Variants in ZFHX3 observed in about 807,000 individuals in gnomAD.
The protein encoded by ZFHX3 is zinc finger homeobox protein 3.
In ZFHX3, 42 loss-of-function variants were observed where a neutral mutation model predicts 279.1. That is an observed-to-expected ratio of 0.15 (90% CI 0.12 to 0.19). The LOEUF is 0.19. Among genes scored for constraint, ZFHX3 ranks in the 10% least tolerant of loss-of-function variants. The pLI, the probability that ZFHX3 is intolerant of heterozygous loss-of-function variation, is 1.00. For synonymous variants in ZFHX3, 2,293 were observed against 1,957.8 expected (o/e 1.17, Z -4.52); for missense variants, 4,981 against 4,754.0 (o/e 1.05, Z -1.40).
chr16:73,749,589 CA>C (rs1185794147), intron 1 of ZFHX3, among the ~76,000 whole-genome samples: 1 of 152,106 alleles, frequency 6.6e-6, no homozygotes, highest in Non-Finnish European at 1.5e-5. Flanking sequence ...AATAACACAA[CA>C]AAGACCAACC....
intron 1 of ZFHX3, among the ~76,000 whole-genome samples, chr16:73,000,094 A>G (rs1021055038): frequency 4.6e-5 from 7 of 152,330 alleles, no homozygotes; most frequent in Admixed American, 2.0e-4. Flanking sequence ...CTAGAAATGC[A>G]GAGAGCTGCT....
intron 2 of ZFHX3, among the ~76,000 whole-genome samples, chr16:73,594,357 A>G (rs575376685): frequency 6.6e-6 from 1 of 152,350 alleles, no homozygotes; most frequent in Non-Finnish European, 1.5e-5. Context: ...GGGAAGGCTC[A>G]ATAGATAAAA....
At chr16:73,668,727 AC>A (rs1191046745) in intron 2 of ZFHX3, among the ~76,000 whole-genome samples, 15 of 152,150 alleles carry the variant, frequency 9.9e-5, no homozygotes, top group South Asian at 4.1e-4. Flanking sequence ...CAAGAAAAAA[AC>A]AACCCCATCA....
chr16:73,076,975 A>G (rs1450064097), intron 8 of ZFHX3, among the ~76,000 whole-genome samples: 1 of 152,202 alleles, frequency 6.6e-6, no homozygotes, highest in Non-Finnish European at 1.5e-5. Flanking sequence ...AGATACATTC[A>G]TCAGAACTCA....
In ZFHX3 at chr16:73,073,295, G is replaced by C. The variant is rs118124283; in HGVS notation, c.-532-14283C>G. On this transcript the variant is annotated intron_variant, in intron 8 of 17. Coordinates refer to the ZFHX3 transcript ENST00000641206. The stretch of plus-strand genomic sequence containing the variant: ...AGTTATTATGAGGCTACCTTCTAGA[G>C]ACCTGTTCCTTCAGCAAAGTATAAA... Among the ~76,000 whole-genome samples the C allele has an allele frequency of 3.3e-3, 499 of 152,302 alleles. 2 individuals are homozygous for C. Among genetic ancestry groups the C allele is most frequent in the Non-Finnish European group, 5.6e-3 (379 of 68,024 alleles).
chr16:72,825,232 G>A (rs566976972), intron 5 of ZFHX3, among the ~76,000 whole-genome samples: 14 of 152,220 alleles, frequency 9.2e-5, no homozygotes, highest in Admixed American at 6.5e-4. Flanking sequence ...TGAGCACAAC[G>A]CCAGCTCCTT....
chr16:73,245,110 T>C (rs2013239754), intron 5 of ZFHX3, among the ~76,000 whole-genome samples: 1 of 152,200 alleles, frequency 6.6e-6, no homozygotes, highest in Non-Finnish European at 1.5e-5. Flanking sequence ...CAATGATAAC[T>C]AATTTAGAAC....
chr16:73,046,043 T>G (rs190760239), intron 1 of ZFHX3, among the ~76,000 whole-genome samples: 2 of 152,162 alleles, frequency 1.3e-5, no homozygotes, highest in Non-Finnish European at 2.9e-5. Context: ...GGAAACACCA[T>G]GAGGAGAACT....
chr16:73,856,363 C>T (rs376995816), intron 1 of ZFHX3, among the ~76,000 whole-genome samples: 32 of 152,226 alleles, frequency 2.1e-4, no homozygotes, highest in South Asian at 6.2e-4. Flanking sequence ...CAAGGTTGGA[C>T]GCAGTAACAG....
At chr16:73,605,592 C>G (rs1281539042) in intron 2 of ZFHX3, among the ~76,000 whole-genome samples, 3 of 150,482 alleles carry the variant, frequency 2.0e-5, no homozygotes, top group Non-Finnish European at 4.4e-5. Flanking sequence ...ATGCCAAACA[C>G]TAAGGAAAAA....
At chr16:73,003,112 A>G (rs1027996995) in intron 1 of ZFHX3, among the ~76,000 whole-genome samples, 1 of 152,162 alleles carries the variant, frequency 6.6e-6, no homozygotes, top group Non-Finnish European at 1.5e-5. Flanking sequence ...AGCATCTACC[A>G]TATGGCTGCA....
At chr16:73,365,301 A>C (rs925478189) in intron 3 of ZFHX3, among the ~76,000 whole-genome samples, 1 of 152,168 alleles carries the variant, frequency 6.6e-6, no homozygotes, top group African/African-American at 2.4e-5. Context: ...ACAGGAGGGG[A>C]TGCAGACGAG....
upstream of ZFHX3, among the ~76,000 whole-genome samples, chr16:73,050,060 A>G (rs1965421631): frequency 1.3e-5 from 2 of 152,200 alleles, no homozygotes; most frequent in South Asian, 4.1e-4. Flanking sequence ...AATTAAAGAC[A>G]ACAAGAAAAT....
At chr16:73,634,433 A>ATTATATATATATATATATAT (rs1197229737) in intron 2 of ZFHX3, among the ~76,000 whole-genome samples, 6 of 59,882 alleles carry the variant, frequency 1.0e-4, no homozygotes, top group African/African-American at 2.6e-4. Context: ...TATTATGTAT[A>ATTATATATATATATATATAT]ATATATATAT....
At chr16:73,754,058 T>C (rs1008606588) in intron 1 of ZFHX3, among the ~76,000 whole-genome samples, 9 of 151,666 alleles carry the variant, frequency 5.9e-5, no homozygotes, top group Non-Finnish European at 1.3e-4. Flanking sequence ...AAATGTCTTG[T>C]GTATTTTGTC....
intron 3 of ZFHX3, among the ~76,000 whole-genome samples, chr16:72,919,777 C>CTTTTTTTTTTTTTTTTTTTTTTTTTT (rs532405250): frequency 4.7e-5 from 2 of 42,264 alleles, no homozygotes; most frequent in African/African-American, 1.1e-4. Flanking sequence ...TATGCACCAT[C>CTTTTTTTTTTTTTTTTTTTTTTTTTT]TTTTTTTTTT....
At chr16:73,869,106 C>T (rs546874440) in intron 1 of ZFHX3, among the ~76,000 whole-genome samples, 4 of 152,284 alleles carry the variant, frequency 2.6e-5, no homozygotes, top group African/African-American at 9.6e-5. Flanking sequence ...TCCCCAGTAG[C>T]TAGTCATGTT....
At chr16:73,531,799 T>C (rs2019809503) in intron 2 of ZFHX3, among the ~76,000 whole-genome samples, 1 of 151,796 alleles carries the variant, frequency 6.6e-6, no homozygotes, top group African/African-American at 2.4e-5. Context: ...AGAATATTGT[T>C]ATTTTTAGGC....
chr16:73,163,086 A>C (rs560349250), intron 5 of ZFHX3, among the ~76,000 whole-genome samples: 2 of 152,176 alleles, frequency 1.3e-5, no homozygotes, highest in Non-Finnish European at 2.9e-5. Context: ...TGACACATAG[A>C]TGGCCATCTT....
Sources: gnomAD v4.1 joint callset for allele counts (sites outside exome capture counted in the v4.1 genomes callset) on GRCh38, gnomAD v4.1.1 for gene constraint, MANE v1.5 for transcripts, NCBI Gene and HGNC (gene_info 2026-07-23, HGNC 2026-07-21) for gene names.